The following LRRC4B variants were observed in gnomAD, a reference collection of about 807,000 sequenced individuals.
The protein encoded by LRRC4B is leucine-rich repeat-containing protein 4B.
LRRC4B carries 1 observed loss-of-function variant against 7.3 expected under a neutral mutation model. The observed-to-expected ratio is 0.14, with a 90% CI of 0.05 to 0.65. LRRC4B has a LOEUF of 0.65. Among genes scored for constraint, LRRC4B ranks in the 30% least tolerant of loss-of-function variants. The pLI is 0.84. For missense variants in LRRC4B, 730 were observed against 1,041.6 expected (o/e 0.70, Z 4.12); for synonymous variants, 500 against 499.2 (o/e 1.00, Z -0.02).
chr19:50,559,905 G>A (rs1005835013), intron 1 of LRRC4B, among the ~76,000 whole-genome samples: 41 of 152,150 alleles, frequency 2.7e-4, no homozygotes, highest in African/African-American at 9.2e-4. Context: ...AGGCTGAGGC[G>A]GGCAGATCAC....
intron 2 of LRRC4B, among the ~76,000 whole-genome samples, chr19:50,533,919 T>A (rs1186186949): frequency 6.6e-6 from 1 of 152,206 alleles, no homozygotes; most frequent in Non-Finnish European, 1.5e-5. Context: ...CTCCTTCTCC[T>A]GAGCACAGAC....
intron 2 of LRRC4B, among the ~76,000 whole-genome samples, chr19:50,539,445 C>A (rs59161733): frequency 8.8e-4 from 134 of 152,278 alleles, no homozygotes; most frequent in African/African-American, 3.0e-3. Flanking sequence ...CGCTCCCTGA[C>A]CCCCTGCTCC....
At chr19:50,561,640 C>A (rs529755501) in intron 1 of LRRC4B, among the ~76,000 whole-genome samples, 2 of 152,096 alleles carry the variant, frequency 1.3e-5, no homozygotes, top group Admixed American at 6.6e-5. Context: ...GAGGCTGAGG[C>A]GGGAGGATCG....
In LRRC4B at chr19:50,548,878, GGGTGGGGGAGAGAAGGGGGAGAGGCTT is replaced by G; in HGVS notation, c.-35-32_-35-6del. Reference sequence around the variant, plus strand: ...CTCCGCGTGGACGCTGGGGGGCTGTGGGTGGGGGAGAGAAGGGGGAGAGGCTTGGTGAGGGACAGGAGCCCATGTGGC... The same window carrying G: ...CTCCGCGTGGACGCTGGGGGGCTGTGGGTGAGGGACAGGAGCCCATGTGGC... On this transcript the variant is annotated splice_polypyrimidine_tract_variant and splice_region_variant and intron_variant, in intron 1 of 2. Coordinates refer to ENST00000652263, the MANE Select transcript of LRRC4B (RefSeq NM_001080457.2). This position sits in a 1 kb window ranked among gnomAD's most constrained non-coding sequence, Gnocchi z 6.8. 2.2e-6 allele frequency: 3 copies of G among 1,375,636 alleles called. No homozygotes were observed. The highest frequency in any genetic ancestry group is 1.9e-6 in the Non-Finnish European group (2 of 1,043,826). The allele number at this position is 1,375,636 out of a possible 1,614,324, so 85.2% of individuals were successfully genotyped here.
intron 1 of LRRC4B, among the ~76,000 whole-genome samples, chr19:50,566,631 A>G (rs940696654): frequency 6.6e-6 from 1 of 150,868 alleles, no homozygotes; most frequent in Admixed American, 6.6e-5. Flanking sequence ...AGTCCTGGAG[A>G]GAGACTGGCT....
intron 1 of LRRC4B, among the ~76,000 whole-genome samples, chr19:50,561,161 C>T (rs1568737967): frequency 6.6e-6 from 1 of 152,072 alleles, no homozygotes; most frequent in South Asian, 2.1e-4. Context: ...CATGACTCAG[C>T]CCCCTCCCCA....
At chr19:50,561,762 A>T (rs1212119636) in intron 1 of LRRC4B, among the ~76,000 whole-genome samples, 1 of 151,856 alleles carries the variant, frequency 6.6e-6, no homozygotes, top group African/African-American at 2.4e-5. Flanking sequence ...CTAACCTTCT[A>T]TGAGTGTATT....
intron 1 of LRRC4B, among the ~76,000 whole-genome samples, chr19:50,551,290 C>T (rs1162179655): frequency 6.6e-6 from 1 of 151,194 alleles, no homozygotes; most frequent in Non-Finnish European, 1.5e-5. Flanking sequence ...TTCTCCAGGG[C>T]TTCCTGTCGA....
intron 1 of LRRC4B, among the ~76,000 whole-genome samples, chr19:50,566,118 G>A (rs933330525): frequency 6.6e-5 from 10 of 150,594 alleles, no homozygotes; most frequent in African/African-American, 2.0e-4. Context: ...TGGAGGCTGC[G>A]GAAAGGCAGG....
At chr19:50,544,420 T>G (rs1289189058) in intron 2 of LRRC4B, among the ~76,000 whole-genome samples, 1 of 151,072 alleles carries the variant, frequency 6.6e-6, no homozygotes, top group Non-Finnish European at 1.5e-5. Context: ...GGCAGGAGAA[T>G]GGCGTGAACC....
chr19:50,528,800 CAGCCT>C (rs1273057104), intron 2 of LRRC4B, among the ~76,000 whole-genome samples: 3 of 152,174 alleles, frequency 2.0e-5, no homozygotes, highest in Non-Finnish European at 4.4e-5. Context: ...CTGCAGGACA[CAGCCT>C]GAGGATGGGC....
Position 50,568,347 on chromosome 19 carries a change from A to AGGCCCC in LRRC4B, c.-445_-440dup, listed in dbSNP as rs1296655033. ...CTCTCCCCCCACCCCACCCCCCCCC[A>AGGCCCC]GGCCCCGGCCCCGGCCCCGGCCCCC... On this transcript the variant is annotated 5_prime_UTR_variant, in exon 1 of 3. Coordinates refer to ENST00000652263, the MANE Select transcript of LRRC4B (RefSeq NM_001080457.2). 4.9e-4 allele frequency among the ~76,000 whole-genome samples: 9 copies of AGGCCCC among 18,372 alleles called. No homozygotes were observed. The highest frequency in any genetic ancestry group is 4.0e-3 in the East Asian group (1 of 250). The allele number at this position is 18,372 out of a possible 152,430, so 12.1% of individuals were successfully genotyped here. A position where few individuals can be genotyped will look rare whatever the true frequency, so the allele number is the denominator to read the frequency against.
intron 2 of LRRC4B, among the ~76,000 whole-genome samples, chr19:50,528,854 C>T (rs1180507271): frequency 1.3e-5 from 2 of 152,088 alleles, no homozygotes; most frequent in South Asian, 2.1e-4. Flanking sequence ...TGGCGGAGTA[C>T]AGCAGGAATG....
Position 50,517,489 on chromosome 19 carries a change from G to T in LRRC4B, c.*82C>A. ...CCAGAAGGTGGGCTGGGCTGTGGGAGGGAGGGGTCCCGGTCAGGCTGCGCC... is the reference window on the plus strand; with the variant it reads ...CCAGAAGGTGGGCTGGGCTGTGGGATGGAGGGGTCCCGGTCAGGCTGCGCC... On this transcript the variant is annotated 3_prime_UTR_variant, in exon 3 of 3. Transcript: ENST00000652263. This position sits in a 1 kb window ranked among gnomAD's most constrained non-coding sequence, Gnocchi z 6.6. 1 of 1,248,370 alleles carries T rather than the reference G, an allele frequency of 8.0e-7. No homozygotes were observed. The highest frequency in any genetic ancestry group is 1.0e-6 in the Non-Finnish European group (1 of 967,470). 77.3% of individuals were successfully genotyped at this position (1,248,370 alleles called of 1,614,324 possible). A position where few individuals can be genotyped will look rare whatever the true frequency, so the allele number is the denominator to read the frequency against.
intron 2 of LRRC4B, among the ~76,000 whole-genome samples, chr19:50,536,733 C>G (rs756876357): frequency 6.6e-6 from 1 of 152,098 alleles, no homozygotes; most frequent in Non-Finnish European, 1.5e-5. Flanking sequence ...ATCTGTAAGC[C>G]ATGGAGAAGA....
Position 50,518,130 on chromosome 19 carries a change from C to A in LRRC4B, c.1583G>T (p.Gly528Val). The A allele has an allele frequency of 6.3e-7, 1 of 1,594,516 alleles. No homozygotes were observed. Among genetic ancestry groups the A allele is most frequent in the Non-Finnish European group, 8.5e-7 (1 of 1,174,534 alleles). ...TDGVWGGGRP[G>V]DAAGPASSST... ...AGACGAGGCAGGGCCGGCCGCGTCC[C>A]CAGGCCGGCCCCCACCCCAGACACC... Residue 528 changes from glycine (G) to valine (V), a missense_variant, in exon 3 of 3, where the codon GGG becomes GTG. This residue lies in a region of LRRC4B where 192 missense variants were observed against 228.6 expected (regional missense o/e 0.84). Coordinates refer to ENST00000652263, the MANE Select transcript of LRRC4B (RefSeq NM_001080457.2).
At chr19:50,562,358 C>T (rs1238828614) in intron 1 of LRRC4B, among the ~76,000 whole-genome samples, 1 of 152,182 alleles carries the variant, frequency 6.6e-6, no homozygotes, top group Non-Finnish European at 1.5e-5. Context: ...GGGATGATGA[C>T]TGTGCCTCCT....
chr19:50,531,721 CTT>C (rs1981067813), intron 2 of LRRC4B, among the ~76,000 whole-genome samples: 1 of 152,108 alleles, frequency 6.6e-6, no homozygotes, highest in African/African-American at 2.4e-5. Context: ...TGAATCCTGG[CTT>C]TGCTGCTGAC....
At chr19:50,564,502 GGCAGGTTTCACA>G (rs1190315994) in intron 1 of LRRC4B, among the ~76,000 whole-genome samples, 2 of 151,970 alleles carry the variant, frequency 1.3e-5, no homozygotes, top group Non-Finnish European at 2.9e-5. Context: ...CAGAAATAGA[GGCAGGTTTCACA>G]GCAGATGGGG....
Sources: gnomAD v4.1 joint callset for allele counts (sites outside exome capture counted in the v4.1 genomes callset) on GRCh38, gnomAD v4.1.1 for gene constraint, gnomAD v4.1.1 regional missense constraint, Gnocchi (gnomAD v3.1) non-coding constraint, MANE v1.5 for transcripts, NCBI Gene and HGNC (gene_info 2026-07-23, HGNC 2026-07-21) for gene names.